The following SURF4 variants were observed in gnomAD, a reference collection of about 807,000 sequenced individuals.
SURF4 encodes surfeit locus protein 4.
Under a neutral mutation model 30.0 loss-of-function variants are expected in SURF4, and 3 were observed. The observed-to-expected ratio is 0.10, with a 90% CI of 0.05 to 0.26. The LOEUF is 0.26. Among genes scored for constraint, SURF4 ranks in the 10% least tolerant of loss-of-function variants. The pLI is 1.00. For missense variants in SURF4, 217 were observed against 350.8 expected (o/e 0.62, Z 3.05); for synonymous variants, 143 against 139.9 (o/e 1.02, Z -0.16).
upstream of SURF4, among the ~76,000 whole-genome samples, chr9:133,376,805 G>A (rs2130251619): frequency 2.6e-5 from 4 of 152,192 alleles, no homozygotes; most frequent in Non-Finnish European, 4.4e-5. Context: ...ATTTGAGGGC[G>A]TGGGGCAGCT....
At position 133,364,943 on chromosome 9, in the gene SURF4, G is replaced by A; in HGVS notation, c.440C>T (p.Thr147Ile). The A allele has an allele frequency of 6.2e-7, 1 of 1,613,652 alleles. No individual in the cohort carries two copies. Among genetic ancestry groups the A allele is most frequent in the Non-Finnish European group, 8.5e-7 (1 of 1,179,762 alleles). ...EGKSMFAGVPTMRESSPKQYM... is the reference protein window; with the variant it reads ...EGKSMFAGVPIMRESSPKQYM... ...CTGTTTGGGGGAGCTCTCACGCATG[G>A]TGGGGACGCCCGCAAACATGCTCTT... Residue 147 changes from threonine to isoleucine, a missense_variant, in exon 5 of 6, where the codon ACC becomes ATC. Thr to Ile is a moderately conservative substitution (Grantham distance 89). Transcript: ENST00000371989.
At chr9:133,366,558 A>G in intron 3 of SURF4, 41 bp downstream of exon 3, 1 of 1,594,202 alleles carries the variant, frequency 6.3e-7, no homozygotes. Flanking sequence ...CTGCTCCACC[A>G]GAGCAAAGAG....
At position 133,363,386 on chromosome 9, in the gene SURF4, A is replaced by C. The variant is rs2130084981; in HGVS notation, c.*107T>G. 6.5e-7 allele frequency: 1 copy of C among 1,550,136 alleles called. No individual in the cohort carries two copies. The highest frequency in any genetic ancestry group is 1.8e-5 in the Admixed American group (1 of 57,062). ...AAAACATCTGTGCCTTTACCAAGGG[A>C]GGGGAAGGGAAGAGGATACATAAAA... On this transcript the variant is annotated 3_prime_UTR_variant, in exon 6 of 6. Coordinates refer to ENST00000371989, the MANE Select transcript of SURF4 (RefSeq NM_033161.4). The surrounding 1 kb of genome is among the most constrained non-coding windows in gnomAD (Gnocchi z 4.3).
At chr9:133,365,361 C>G (rs1837106531) in intron 4 of SURF4, among the ~76,000 whole-genome samples, 1 of 152,114 alleles carries the variant, frequency 6.6e-6, no homozygotes, top group African/African-American at 2.4e-5. Flanking sequence ...CCACTCAGAC[C>G]CGGAGTCCCC....
chr9:133,376,056 G>C lies in SURF4; in HGVS notation c.-87C>G. ...CCCGCACCCGCTGCGGCCTCCACAG[G>C]AAGTGCCCGGCGGCCGGCCTCGCTC... On this transcript the variant is annotated 5_prime_UTR_variant, in exon 1 of 6. Coordinates refer to ENST00000371989, the MANE Select transcript of SURF4 (RefSeq NM_033161.4). The C allele has an allele frequency of 8.3e-7, 1 of 1,207,694 alleles. No individual in the cohort carries two copies. The highest frequency in any genetic ancestry group is 1.0e-6 in the Non-Finnish European group (1 of 971,864). 74.8% of individuals were successfully genotyped at this position (1,207,694 alleles called of 1,614,324 possible).
chr9:133,370,078 C>A (rs1207366253), intron 1 of SURF4, among the ~76,000 whole-genome samples: 2 of 152,198 alleles, frequency 1.3e-5, no homozygotes, highest in African/African-American at 4.8e-5. Flanking sequence ...AGCAAACCAG[C>A]CCAGCCATGG....
In SURF4 at chr9:133,376,027, G is replaced by GGCGCCC. The variant is rs1837904390; in HGVS notation, c.-64_-59dup. On this transcript the variant is annotated 5_prime_UTR_variant, in exon 1 of 6. Transcript: ENST00000371989. ...GCTCGCTCGCTGGCTCTCGCCCGTCGGCGCCCGCACCCGCTGCGGCCTCCA... is the reference window on the plus strand; with the variant it reads ...GCTCGCTCGCTGGCTCTCGCCCGTCGGCGCCCGCGCCCGCACCCGCTGCGGCCTCCA... 8.2e-7 allele frequency: 1 copy of GGCGCCC among 1,213,640 alleles called. No homozygotes were observed. Among genetic ancestry groups the GGCGCCC allele is most frequent in the South Asian group, 4.1e-5 (1 of 24,236 alleles). The allele number at this position is 1,213,640 out of a possible 1,614,324, so 75.2% of individuals were successfully genotyped here. A position where few individuals can be genotyped will look rare whatever the true frequency, so the allele number is the denominator to read the frequency against.
intron 1 of SURF4, among the ~76,000 whole-genome samples, chr9:133,374,618 C>A (rs192308651): frequency 0.011 from 1,721 of 152,132 alleles, 22 homozygotes; most frequent in Non-Finnish European, 0.015. Flanking sequence ...TCTTTAAGCA[C>A]AAAATCAGAA....
intron 4 of SURF4, 34 bp from the exon 5 acceptor site, chr9:133,365,060 C>T (rs2130113377): frequency 6.7e-7 from 1 of 1,488,862 alleles, no homozygotes; most frequent in Admixed American, 2.3e-5. Context: ...GAAGCTAAGC[C>T]TCACCAGGAT....
intron 1 of SURF4, among the ~76,000 whole-genome samples, chr9:133,371,533 G>T (rs1837508484): frequency 6.6e-6 from 1 of 152,214 alleles, no homozygotes; most frequent in Non-Finnish European, 1.5e-5. Flanking sequence ...GAGAACGACT[G>T]GGCCCCATGT....
rs1836922521 is a variant in SURF4 at position 133,363,095 on chromosome 9, TACAA to T, written c.*394_*397del. On this transcript the variant is annotated 3_prime_UTR_variant, in exon 6 of 6. Transcript: ENST00000371989. The surrounding 1 kb of genome is among the most constrained non-coding windows in gnomAD (Gnocchi z 4.3). Reference sequence around the variant, plus strand: ...GTAGTTTCCGCTAAAAATGTAAACTTACAAATAAGAGGGAGACTGCTTTGAATGA... The same window carrying T: ...GTAGTTTCCGCTAAAAATGTAAACTTATAAGAGGGAGACTGCTTTGAATGA... The T allele has an allele frequency of 2.2e-5, 8 of 359,176 alleles. No individual in the cohort carries two copies. In the Admixed American group the frequency reaches 3.6e-4, roughly 16 times the overall value. 22.2% of individuals were successfully genotyped at this position (359,176 alleles called of 1,614,324 possible).
intron 1 of SURF4, among the ~76,000 whole-genome samples, chr9:133,372,215 C>CCT (rs1837548940): frequency 2.0e-5 from 3 of 152,200 alleles, no homozygotes; most frequent in Admixed American, 6.5e-5. Flanking sequence ...TCCCTGGCTG[C>CCT]CAGAGCAAGC....
chr9:133,376,079 CT>C (rs1164901852), upstream of SURF4: 1 of 1,206,244 alleles, frequency 8.3e-7, no homozygotes, highest in Non-Finnish European at 1.0e-6. Flanking sequence ...GCCGGCCTCG[CT>C]CCGCGTCGGC....
upstream of SURF4, among the ~76,000 whole-genome samples, chr9:133,377,079 C>G (rs185290416): frequency 6.6e-6 from 1 of 152,142 alleles, no homozygotes; most frequent in Non-Finnish European, 1.5e-5. Context: ...AAAATGCATT[C>G]GCTTGGAAAC....
upstream of SURF4, chr9:133,376,070 C>T: frequency 8.3e-7 from 1 of 1,207,184 alleles, no homozygotes; most frequent in Non-Finnish European, 1.0e-6. Flanking sequence ...TGCCCGGCGG[C>T]CGGCCTCGCT....
chr9:133,375,762 T>G (rs2119191756), intron 1 of SURF4, among the ~76,000 whole-genome samples, 160 bp downstream of exon 1: 1 of 151,892 alleles, frequency 6.6e-6, no homozygotes, highest in Non-Finnish European at 1.5e-5. Context: ...TTTGGGGCTG[T>G]CCAGCCGGGA....
At chr9:133,376,396 A>G, upstream of SURF4, 2 of 1,444,342 alleles carry the variant, frequency 1.4e-6, no homozygotes, top group Non-Finnish European at 9.1e-7. Context: ...TCGGGCGGGG[A>G]GGATCCCGCG....
At chr9:133,375,766 G>A (rs1351658546) in intron 1 of SURF4, among the ~76,000 whole-genome samples, 156 bp downstream of exon 1, 2 of 152,034 alleles carry the variant, frequency 1.3e-5, no homozygotes, top group Non-Finnish European at 2.9e-5. Context: ...GGGCTGTCCA[G>A]CCGGGACAGA....
At chr9:133,367,664 A>C (rs1837259141) in intron 1 of SURF4, 1 of 1,305,424 alleles carries the variant, frequency 7.7e-7, no homozygotes, top group African/African-American at 1.5e-5. Flanking sequence ...TCCAAGGATC[A>C]GTCCCGGAGA....
Sources: allele counts gnomAD v4.1 joint callset (sites outside exome capture counted in the v4.1 genomes callset), GRCh38; gene constraint gnomAD v4.1.1; non-coding constraint Gnocchi (gnomAD v3.1); transcripts MANE v1.5; gene names NCBI Gene and HGNC (gene_info 2026-07-23, HGNC 2026-07-21).